SRPRB: variants seen among roughly 807,000 people sequenced by gnomAD.
SRPRB encodes signal recognition particle receptor subunit beta.
A neutral mutation model predicts 31.9 loss-of-function variants in SRPRB; 20 were observed. That is an observed-to-expected ratio of 0.63 (90% CI 0.44 to 0.91). SRPRB has a LOEUF of 0.91. Among genes scored for constraint, SRPRB ranks in the 40% least tolerant of loss-of-function variants. SRPRB has a pLI of 0.00. For missense variants in SRPRB, 321 were observed against 324.9 expected (o/e 0.99, Z 0.09); for synonymous variants, 146 against 132.8 (o/e 1.10, Z -0.68).
intron 3 of SRPRB, chr3:133,810,656 G>A (rs1028435936): frequency 3.3e-5 from 5 of 152,446 alleles, no homozygotes; most frequent in Non-Finnish European, 5.9e-5. Context: ...CCCAGTAAGA[G>A]TAATATGCTC....
rs991083753 is a variant in SRPRB, at chr3:133,805,936, C to G, written c.88C>G (p.Leu30Val). Reference protein sequence around the residue: ...QPYLDTLRQELQQTDPTLLSV... With the variant: ...QPYLDTLRQEVQQTDPTLLSV... ...CTACCTAGACACCTTGCGGCAGGAG[C>G]TGCAGCAGACGGACCCAACGCTGTT... The change falls in exon 1 of 7, where the codon CTG (leucine) becomes GTG (valine). Residue 30 changes from leucine to valine, a missense_variant. Leu to Val is a conservative substitution (Grantham distance 32). Coordinates refer to ENST00000678299, the MANE Select transcript of SRPRB (RefSeq NM_001379313.1). 6.2e-7 allele frequency: 1 copy of G among 1,613,958 alleles called. No homozygotes were observed. Among genetic ancestry groups the G allele is most frequent in the Admixed American group, 1.7e-5 (1 of 60,008 alleles).
chr3:133,787,305 A>G (rs1934711552), intron 1 of SRPRB: 1 of 152,214 alleles, frequency 6.6e-6, no homozygotes, highest in Admixed American at 6.5e-5. Context: ...GAATTTGTTC[A>G]GCCATCTCTA....
chr3:133,811,277 T>G, intron 4 of SRPRB, 78 bp downstream of exon 4: 1 of 1,488,744 alleles, frequency 6.7e-7, no homozygotes, highest in Non-Finnish European at 9.3e-7. Context: ...TTTGCTCTGG[T>G]GGTGTTTGGG....
chr3:133,805,824 G>A lies in SRPRB; in HGVS notation c.-25G>A, dbSNP rs1257933345. ...AGTGCAGGGCCACGTCGCTTTTGCT[G>A]TACCGGGGACCACGCGTCTCATCCA... On this transcript the variant is annotated 5_prime_UTR_variant, in exon 1 of 7. Transcript: ENST00000678299. The A allele has an allele frequency of 6.3e-7, 1 of 1,593,154 alleles. No individual in the cohort carries two copies. The highest frequency in any genetic ancestry group is 8.5e-7 in the Non-Finnish European group (1 of 1,170,502).
chr3:133,822,656 C>T (rs759430745), downstream of SRPRB, among the ~76,000 whole-genome samples: 9 of 152,202 alleles, frequency 5.9e-5, no homozygotes, highest in Non-Finnish European at 1.3e-4. Flanking sequence ...GCTGGCCATG[C>T]TCTGTTGACT....
chr3:133,806,259 A>G (rs1935155982), intron 1 of SRPRB, among the ~76,000 whole-genome samples: 1 of 152,088 alleles, frequency 6.6e-6, no homozygotes. Flanking sequence ...CTGCCCTGTT[A>G]CGCTTGAGCG....
upstream of SRPRB, chr3:133,805,789 G>A: frequency 6.6e-7 from 1 of 1,522,796 alleles, no homozygotes; most frequent in South Asian, 1.3e-5. Flanking sequence ...TGCTCCCCGC[G>A]CCTGCGCAGA....
chr3:133,806,246 C>T (rs183741525), intron 1 of SRPRB, among the ~76,000 whole-genome samples: 1 of 152,340 alleles, frequency 6.6e-6, no homozygotes, highest in Non-Finnish European at 1.5e-5. Flanking sequence ...TGCTCTTCGT[C>T]ATCTGCCCTG....
chr3:133,813,292 G>A (rs1032430937), intron 4 of SRPRB, among the ~76,000 whole-genome samples: 1 of 152,130 alleles, frequency 6.6e-6, no homozygotes, highest in Non-Finnish European at 1.5e-5. Context: ...TCTCACCATC[G>A]TTTCTCCAGG....
upstream of SRPRB, chr3:133,805,713 C>T: frequency 2.5e-6 from 3 of 1,181,118 alleles, no homozygotes; most frequent in East Asian, 8.3e-5. Flanking sequence ...TCCCATCAAG[C>T]ACTTGGGGGA....
At chr3:133,793,855 A>G (rs1331339276) in intron 1 of SRPRB, 2 of 152,208 alleles carry the variant, frequency 1.3e-5, no homozygotes, top group East Asian at 3.8e-4. Context: ...TTAGAATTAT[A>G]TCATTTGAAC....
chr3:133,821,886 T>A (rs1248084660), downstream of SRPRB, among the ~76,000 whole-genome samples: 1 of 151,676 alleles, frequency 6.6e-6, no homozygotes, highest in East Asian at 1.9e-4. Flanking sequence ...CCCTGCTGAG[T>A]TTTTCTGACA....
chr3:133,805,764 A>G, upstream of SRPRB: 3 of 1,494,992 alleles, frequency 2.0e-6, no homozygotes, highest in African/African-American at 1.4e-5. Flanking sequence ...AGGAACCACC[A>G]TTCGCGTGAG....
At chr3:133,826,386 T>G (rs1429759825), downstream of SRPRB, 2 of 152,240 alleles carry the variant, frequency 1.3e-5, no homozygotes, top group Non-Finnish European at 1.5e-5. Context: ...TCTACTGTTT[T>G]ATGGGATGTT....
chr3:133,826,766 T>A (rs1195803524), downstream of SRPRB: 1 of 152,672 alleles, frequency 6.5e-6, no homozygotes, highest in East Asian at 1.9e-4. Flanking sequence ...ACAAGTTATT[T>A]GACAATATTA....
At chr3:133,805,678 G>T, upstream of SRPRB, 1 of 724,480 alleles carries the variant, frequency 1.4e-6, no homozygotes, top group South Asian at 2.7e-5. Flanking sequence ...TTCTGTAGGA[G>T]GACGGAGTCC....
At position 133,820,413 on chromosome 3, in the gene SRPRB, T is replaced by C. The variant is rs1039400621; in HGVS notation, c.*647T>C. On this transcript the variant is annotated 3_prime_UTR_variant, in exon 7 of 7. Coordinates refer to ENST00000678299, the MANE Select transcript of SRPRB (RefSeq NM_001379313.1). Reference sequence around the variant, plus strand: ...AACCCTTGGAGTCATTCCCAGATAATAGAACTGGAAATGATAAATCCCCTA... The same window carrying C: ...AACCCTTGGAGTCATTCCCAGATAACAGAACTGGAAATGATAAATCCCCTA... The C allele has an allele frequency of 3.9e-5, 6 of 153,120 alleles. No homozygotes were observed. Among genetic ancestry groups the C allele is most frequent in the African/African-American group, 1.4e-4 (6 of 41,456 alleles). 9.5% of individuals were successfully genotyped at this position (153,120 alleles called of 1,614,324 possible).
Position 133,807,803 on chromosome 3 carries a change from T to C in SRPRB, c.307T>C (p.Tyr103His). Residue 103 changes from tyrosine to histidine, a missense_variant, in exon 3 of 7, where the codon TAC becomes CAC. Transcript: ENST00000678299. ...GTCCATTACTGACAGCTGTGCTGTA[T>C]ACAGAGTCAACAATAACAGGGTAAG... ...QTSITDSCAV[Y>H]RVNNNRGNSL... is the part of the protein sequence containing the mutation. The C allele has an allele frequency of 1.2e-6, 2 of 1,611,814 alleles. No individual in the cohort carries two copies. The highest frequency in any genetic ancestry group is 1.7e-6 in the Non-Finnish European group (2 of 1,179,480).
At position 133,820,628 on chromosome 3, in the gene SRPRB, T is replaced by A. The variant is rs959665200; in HGVS notation, c.*862T>A. On this transcript the variant is annotated 3_prime_UTR_variant, in exon 7 of 7. Transcript: ENST00000678299. The stretch of plus-strand genomic sequence containing the variant: ...AAAGTGAAAAAAGTTCTCTGTAGAT[T>A]TCTGAAGTGCATATTCATTGATGCC... The A allele has an allele frequency of 2.0e-5, 3 of 152,158 alleles. No homozygotes were observed. The highest frequency in any genetic ancestry group is 7.2e-5 in the African/African-American group (3 of 41,418). The allele number at this position is 152,158 out of a possible 1,614,324, so 9.4% of individuals were successfully genotyped here.
Sources: gnomAD v4.1 joint callset for allele counts (sites outside exome capture counted in the v4.1 genomes callset) on GRCh38, gnomAD v4.1.1 for gene constraint, MANE v1.5 for transcripts, NCBI Gene and HGNC (gene_info 2026-07-23, HGNC 2026-07-21) for gene names.